The following LARP1B variants were observed in gnomAD, a reference collection of about 807,000 sequenced individuals.
LARP1B encodes the protein la-related protein 1B.
A neutral mutation model predicts 114.2 loss-of-function variants in LARP1B; 76 were observed. The observed-to-expected ratio is 0.67, with a 90% CI of 0.55 to 0.81. LARP1B has a LOEUF of 0.81. LARP1B is among the 30% of genes least tolerant of loss of function. The pLI, the probability that LARP1B is intolerant of heterozygous loss-of-function variation, is 0.00. For missense variants in LARP1B, 1,014 were observed against 1,075.8 expected, an observed-to-expected ratio of 0.94 and a Z score of 0.80; for synonymous variants, 345 against 348.0, an observed-to-expected ratio of 0.99 and a Z score of 0.10.
intron 11 of LARP1B, among the ~76,000 whole-genome samples, chr4:128,130,573 A>G (rs533635633): frequency 2.0e-5 from 3 of 152,230 alleles, no homozygotes; most frequent in Non-Finnish European, 4.4e-5. Context: ...AGGAAATCTC[A>G]TTCATTCCTG....
At chr4:128,152,361 G>A (rs1157265913) in intron 11 of LARP1B, among the ~76,000 whole-genome samples, 5 of 151,336 alleles carry the variant, frequency 3.3e-5, no homozygotes, top group South Asian at 2.1e-4. Context: ...ATACCACCAC[G>A]CCCAGCTAAT....
At chr4:128,156,319 C>G in intron 11 of LARP1B, 1 of 683,684 alleles carries the variant, frequency 1.5e-6, no homozygotes, top group Non-Finnish European at 2.6e-6. Flanking sequence ...AGCTGCTTCT[C>G]CATCCCTCTA....
Position 128,211,380 on chromosome 4 carries a change from A to T in LARP1B, c.*1327A>T. 1.1e-6 allele frequency: 1 copy of T among 929,998 alleles called. No homozygotes were observed. Among genetic ancestry groups the T allele is most frequent in the Non-Finnish European group, 1.3e-6 (1 of 779,566 alleles). The allele number at this position is 929,998 out of a possible 1,614,324, so 57.6% of individuals were successfully genotyped here. A position where few individuals can be genotyped will look rare whatever the true frequency, so the allele number is the denominator to read the frequency against. On this transcript the variant is annotated 3_prime_UTR_variant, in exon 20 of 20. Transcript: ENST00000326639. ...ATTGGATATCTTGTTCTTATAAATT[A>T]TAATATTGAAATACATATAATCTTT... is the stretch of plus-strand genomic sequence containing the variant.
In LARP1B at chr4:128,085,353, C is replaced by CTTTTT. The variant is rs35260726; in HGVS notation, c.358+3068_358+3072dup. ...GACTTTTCAAACAAGCCTTAGCTTC[C>CTTTTT]TTTTTTTTTTTTTTTTTTTTTTTTA... On this transcript the variant is annotated intron_variant, in intron 5 of 19. Transcript: ENST00000326639. Among the ~76,000 whole-genome samples, 34 of 85,810 alleles carry CTTTTT rather than the reference C, an allele frequency of 4.0e-4. 1 individual carries two copies. The highest frequency in any genetic ancestry group is 9.7e-4 in the African/African-American group (21 of 21,540). The allele number at this position is 85,810 out of a possible 152,430, so 56.3% of individuals were successfully genotyped here.
intron 12 of LARP1B, among the ~76,000 whole-genome samples, chr4:128,168,291 A>ATT (rs1742030337): frequency 6.9e-6 from 1 of 145,186 alleles, no homozygotes; most frequent in African/African-American, 2.6e-5. Context: ...TTTTTTTTAA[A>ATT]AAATTTTGCC....
At chr4:128,118,438 G>T (rs566041180) in intron 10 of LARP1B, among the ~76,000 whole-genome samples, 15 of 150,666 alleles carry the variant, frequency 1.0e-4, no homozygotes, top group Admixed American at 5.3e-4. Context: ...GGGTTTCATC[G>T]TGTTAGCCAG....
intron 1 of LARP1B, among the ~76,000 whole-genome samples, chr4:128,062,592 C>CTTTTTTTTTTTT (rs10659836): frequency 1.3e-4 from 17 of 128,254 alleles, no homozygotes; most frequent in African/African-American, 4.3e-4. Flanking sequence ...TTTTGGTAGA[C>CTTTTTTTTTTTT]TTTTTTTTTT....
chr4:128,141,344 C>T (rs943415502), intron 11 of LARP1B, among the ~76,000 whole-genome samples: 1 of 152,084 alleles, frequency 6.6e-6, no homozygotes, highest in Non-Finnish European at 1.5e-5. Flanking sequence ...GATACCTTCC[C>T]CTAACTATAA....
chr4:128,147,651 G>A (rs973446693), intron 11 of LARP1B, among the ~76,000 whole-genome samples: 1 of 152,176 alleles, frequency 6.6e-6, no homozygotes, highest in Non-Finnish European at 1.5e-5. Flanking sequence ...AAAGTGGATT[G>A]AAGAGTACTT....
In LARP1B at chr4:128,193,321, G is replaced by C. The variant is rs576450067; in HGVS notation, c.2004-6118G>C. ...CTTTCTAAATGCCATTGAGAATCTGGGAGATTTCTTTAGTAGGTTCGTAAT... is the reference window on the plus strand; with the variant it reads ...CTTTCTAAATGCCATTGAGAATCTGCGAGATTTCTTTAGTAGGTTCGTAAT... On this transcript the variant is annotated intron_variant, in intron 15 of 19. Transcript: ENST00000326639. Among the ~76,000 whole-genome samples the C allele has an allele frequency of 3.6e-3, 544 of 152,090 alleles. 2 individuals are homozygous for C. The highest frequency in any genetic ancestry group is 0.013 in the African/African-American group (525 of 41,482).
chr4:128,113,355 T>TC, intron 9 of LARP1B, among the ~76,000 whole-genome samples: 1 of 149,968 alleles, frequency 6.7e-6, no homozygotes, highest in African/African-American at 2.4e-5. Context: ...TTTTTTCTTT[T>TC]TTTTTTTTTT....
chr4:128,145,185 A>G (rs964053131), intron 11 of LARP1B, among the ~76,000 whole-genome samples: 2 of 152,182 alleles, frequency 1.3e-5, no homozygotes, highest in African/African-American at 4.8e-5. Flanking sequence ...TTAACTTGAC[A>G]GAACTTAACC....
chr4:128,079,987 T>C (rs1184151514), intron 4 of LARP1B, among the ~76,000 whole-genome samples: 1 of 142,172 alleles, frequency 7.0e-6, no homozygotes, highest in African/African-American at 2.6e-5. Context: ...AAAATTTGTC[T>C]TTTTTTTTTT....
intron 5 of LARP1B, among the ~76,000 whole-genome samples, chr4:128,083,653 G>A (rs1402725171): frequency 2.5e-5 from 3 of 118,308 alleles, no homozygotes; most frequent in South Asian, 6.7e-4. Context: ...CGGACGGGGC[G>A]GCTGGCCAGG....
At chr4:128,167,294 A>G (rs2150507255) in intron 12 of LARP1B, among the ~76,000 whole-genome samples, 1 of 151,912 alleles carries the variant, frequency 6.6e-6, no homozygotes, top group Middle Eastern at 3.4e-3. Context: ...TTCTTTACAA[A>G]TCTCCATACT....
At chr4:128,146,459 A>T (rs535077681) in intron 11 of LARP1B, among the ~76,000 whole-genome samples, 2 of 152,348 alleles carry the variant, frequency 1.3e-5, no homozygotes, top group South Asian at 4.1e-4. Context: ...GAAGTTTTAA[A>T]AGTTTGGTGG....
rs868015542 is a variant in LARP1B, at chr4:128,098,775, T to G, written c.813+445T>G. Among the ~76,000 whole-genome samples the G allele has an allele frequency of 2.0e-4, 5 of 24,656 alleles. 1 individual carries two copies. Among genetic ancestry groups the G allele is most frequent in the African/African-American group, 4.9e-4 (4 of 8,168 alleles). The allele number at this position is 24,656 out of a possible 152,430, so 16.2% of individuals were successfully genotyped here. A position where few individuals can be genotyped will look rare whatever the true frequency, so the allele number is the denominator to read the frequency against. On this transcript the variant is annotated intron_variant, in intron 8 of 19. Coordinates refer to ENST00000326639, the MANE Select transcript of LARP1B (RefSeq NM_018078.4). ...TATATATATATATATATATTTTTTT[T>G]TTTTTTTTTTTTTTTTTTTTAAGAC...
intron 15 of LARP1B, among the ~76,000 whole-genome samples, chr4:128,191,316 G>A (rs996780590): frequency 6.6e-6 from 1 of 152,044 alleles, no homozygotes; most frequent in African/African-American, 2.4e-5. Flanking sequence ...GTTGTTTCTC[G>A]TGGATGTACA....
chr4:128,180,728 A>T (rs1561511760), intron 15 of LARP1B, among the ~76,000 whole-genome samples: 1 of 152,226 alleles, frequency 6.6e-6, no homozygotes, highest in Admixed American at 6.5e-5. Flanking sequence ...ATCTATGTAA[A>T]GGTTTTAGTG....
Sources: gnomAD v4.1 joint callset for allele counts (sites outside exome capture counted in the v4.1 genomes callset) on GRCh38, gnomAD v4.1.1 for gene constraint, MANE v1.5 for transcripts, NCBI Gene and HGNC (gene_info 2026-07-23, HGNC 2026-07-21) for gene names.